ITPR2: variants seen among roughly 807,000 people sequenced by gnomAD.
ITPR2 encodes inositol 1,4,5-trisphosphate receptor type 2, also known as inositol 1,4,5-trisphosphate-gated calcium channel ITPR2.
ITPR2 carries 207 observed loss-of-function variants against 317.1 expected under a neutral mutation model. That is an observed-to-expected ratio of 0.65 (90% CI 0.58 to 0.73). The LOEUF (loss-of-function observed/expected upper bound fraction) is 0.73, where lower values mean the gene tolerates loss of function less well. Ranked by LOEUF, ITPR2 falls within the 30% of genes least tolerant of loss-of-function variation. ITPR2 has a pLI of 0.00. For synonymous variants in ITPR2, 1,156 were observed against 1,149.1 expected (o/e 1.01, Z -0.12); for missense variants, 2,613 against 3,284.0 (o/e 0.80, Z 4.99).
At chr12:26,823,802 T>C (rs1418871655) in intron 1 of ITPR2, among the ~76,000 whole-genome samples, 6 of 152,178 alleles carry the variant, frequency 3.9e-5, no homozygotes, top group Non-Finnish European at 5.9e-5. Context: ...ATTTCAAAGA[T>C]AGTCAATAAA....
At chr12:26,568,005 A>T (rs11048583) in intron 34 of ITPR2, among the ~76,000 whole-genome samples, 2 of 5,236 alleles carry the variant, frequency 3.8e-4, no homozygotes, top group Admixed American at 8.8e-4. Flanking sequence ...TATTATATAT[A>T]TTATATATAT....
intron 9 of ITPR2, among the ~76,000 whole-genome samples, chr12:26,698,674 G>A (rs11048659): frequency 6.6e-6 from 1 of 152,144 alleles, no homozygotes; most frequent in Admixed American, 6.5e-5. Context: ...TTAATGCTGG[G>A]ACAGCCACTG....
At chr12:26,415,540 G>A (rs1369801479) in intron 50 of ITPR2, 42 bp from the exon 51 acceptor site, 2 of 1,333,098 alleles carry the variant, frequency 1.5e-6, no homozygotes, top group East Asian at 2.5e-5. Flanking sequence ...AGAAGGCATT[G>A]GAGGAAAAGG....
At position 26,344,510 on chromosome 12, in the gene ITPR2, T is replaced by C. The variant is rs187084804; in HGVS notation, c.7858-4182A>G. 5.3e-5 allele frequency among the ~76,000 whole-genome samples: 8 copies of C among 152,306 alleles called. No homozygotes were observed. The East Asian group carries it at 9.6e-4, about 18-fold the overall frequency. On this transcript the variant is annotated intron_variant, in intron 55 of 56. Coordinates refer to ENST00000381340, the MANE Select transcript of ITPR2 (RefSeq NM_002223.4). The stretch of plus-strand genomic sequence containing the variant: ...AGATAGTGTGTGAGCATTTGTAAAG[T>C]TGCCTCCAAAGAAACACTATTGCAA...
chr12:26,826,457 C>T (rs1164537517), intron 1 of ITPR2, among the ~76,000 whole-genome samples: 1 of 152,028 alleles, frequency 6.6e-6, no homozygotes, highest in Non-Finnish European at 1.5e-5. Flanking sequence ...AACTGTGTGA[C>T]CCCCTCCCTA....
chr12:26,490,118 T>A (rs528633174), intron 39 of ITPR2, among the ~76,000 whole-genome samples: 2 of 152,330 alleles, frequency 1.3e-5, no homozygotes, highest in South Asian at 4.1e-4. Context: ...TCAAAAAATA[T>A]TTGTTGAATG....
chr12:26,481,094 T>C (rs774288018), intron 43 of ITPR2, 37 bp downstream of exon 43: 6 of 1,211,066 alleles, frequency 5.0e-6, no homozygotes, highest in South Asian at 3.7e-5. Context: ...CTATAGAGAC[T>C]GTAGCTTTTC....
chr12:26,543,296 G>A (rs888434026), intron 37 of ITPR2, among the ~76,000 whole-genome samples: 1 of 151,886 alleles, frequency 6.6e-6, no homozygotes, highest in African/African-American at 2.4e-5. Context: ...TACACAGAAC[G>A]AAGGCACAGT....
At chr12:26,616,241 C>G (rs958456672) in intron 26 of ITPR2, among the ~76,000 whole-genome samples, 4 of 151,956 alleles carry the variant, frequency 2.6e-5, no homozygotes, top group African/African-American at 9.7e-5. Flanking sequence ...GGGTTCACGC[C>G]ATTCTCCTGC....
chr12:26,427,086 A>T (rs1941082237), intron 49 of ITPR2, among the ~76,000 whole-genome samples: 1 of 152,052 alleles, frequency 6.6e-6, no homozygotes, highest in Non-Finnish European at 1.5e-5. Flanking sequence ...AGCATAGTAA[A>T]ATGTAGTAGG....
intron 13 of ITPR2, among the ~76,000 whole-genome samples, chr12:26,668,927 A>T (rs1195463790): frequency 6.6e-6 from 1 of 152,108 alleles, no homozygotes; most frequent in African/African-American, 2.4e-5. Flanking sequence ...AAAATCAGCC[A>T]GGGCAACATA....
intron 45 of ITPR2, among the ~76,000 whole-genome samples, chr12:26,463,714 T>G (rs867784662): frequency 1.3e-5 from 2 of 151,662 alleles, no homozygotes; most frequent in Non-Finnish European, 2.9e-5. Context: ...AAAAACAAAT[T>G]AAGTACTCTA....
At chr12:26,722,799 G>T (rs891292097) in intron 4 of ITPR2, among the ~76,000 whole-genome samples, 1 of 151,996 alleles carries the variant, frequency 6.6e-6, no homozygotes, top group Non-Finnish European at 1.5e-5. Context: ...AAAAACAGGG[G>T]ACCCCTCCGA....
intron 52 of ITPR2, among the ~76,000 whole-genome samples, chr12:26,404,180 T>C (rs975675509): frequency 2.0e-5 from 3 of 151,900 alleles, no homozygotes; most frequent in Non-Finnish European, 4.4e-5. Context: ...AAAGGATGAA[T>C]GAAAGGAAGC....
At chr12:26,384,445 C>T (rs1315770833) in intron 55 of ITPR2, among the ~76,000 whole-genome samples, 1 of 152,168 alleles carries the variant, frequency 6.6e-6, no homozygotes, top group Non-Finnish European at 1.5e-5. Flanking sequence ...ATGTGCACTG[C>T]TTGGATGAAA....
At chr12:26,362,634 C>T (rs1051583831) in intron 55 of ITPR2, among the ~76,000 whole-genome samples, 1 of 152,198 alleles carries the variant, frequency 6.6e-6, no homozygotes, top group Non-Finnish European at 1.5e-5. Flanking sequence ...GCTGGGACTC[C>T]TTTAACACCG....
chr12:26,538,592 T>C (rs1425102061), intron 37 of ITPR2, among the ~76,000 whole-genome samples: 1 of 151,728 alleles, frequency 6.6e-6, no homozygotes, highest in African/African-American at 2.4e-5. Flanking sequence ...TTTCTTTTTT[T>C]TTGAGACAGA....
At chr12:26,545,358 G>A (rs974248672) in intron 37 of ITPR2, among the ~76,000 whole-genome samples, 1 of 152,036 alleles carries the variant, frequency 6.6e-6, no homozygotes, top group South Asian at 2.1e-4. Context: ...AGAGTAGGAC[G>A]AGATGTGACA....
In ITPR2 at chr12:26,420,254, C is replaced by T. The variant is rs140308081; in HGVS notation, c.6946-1041G>A. ...ACAGATTTCAAGGGTTTACAGTTTGCTCTTCCTAATTGTTCCGAGTTCTTT... is the reference window on the plus strand; with the variant it reads ...ACAGATTTCAAGGGTTTACAGTTTGTTCTTCCTAATTGTTCCGAGTTCTTT... On this transcript the variant is annotated intron_variant, in intron 49 of 56. Coordinates refer to ENST00000381340, the MANE Select transcript of ITPR2 (RefSeq NM_002223.4). Among the ~76,000 whole-genome samples the T allele has an allele frequency of 2.8e-3, 431 of 152,288 alleles. 1 individual carries two copies. The highest frequency in any genetic ancestry group is 9.9e-3 in the African/African-American group (412 of 41,584).
Sources: allele counts gnomAD v4.1 joint callset (sites outside exome capture counted in the v4.1 genomes callset), GRCh38; gene constraint gnomAD v4.1.1; transcripts MANE v1.5; gene names NCBI Gene and HGNC (gene_info 2026-07-23, HGNC 2026-07-21).